CCDC171: variants seen among roughly 807,000 people sequenced by gnomAD.
CCDC171 encodes coiled-coil domain containing 171.
A neutral mutation model predicts 168.2 loss-of-function variants in CCDC171; 177 were observed. That is an observed-to-expected ratio of 1.05 (90% CI 0.93 to 1.19). The LOEUF (loss-of-function observed/expected upper bound fraction) is 1.19, where lower values mean the gene tolerates loss of function less well. Ranked by LOEUF, CCDC171 falls within the 50% of genes most tolerant of loss-of-function variation. The pLI is 0.00. For synonymous variants in CCDC171, 687 were observed against 540.8 expected (o/e 1.27, Z -3.75); for missense variants, 1,991 against 1,539.0 (o/e 1.29, Z -4.91).
chr9:15,566,763 G>A (rs1470366333), intron 2 of CCDC171, among the ~76,000 whole-genome samples: 2 of 152,148 alleles, frequency 1.3e-5, no homozygotes, highest in Admixed American at 1.3e-4. Flanking sequence ...CTAAGGTCAT[G>A]AAGATTTTTC....
chr9:15,744,618 C>A lies in CCDC171; in HGVS notation c.2395C>A (p.Arg799Ser), dbSNP rs147702342. The A allele has an allele frequency of 1.2e-6, 2 of 1,614,138 alleles. No homozygotes were observed. The highest frequency in any genetic ancestry group is 2.2e-5 in the East Asian group (1 of 44,874). The change falls in exon 17 of 26, where the codon CGT becomes AGT. Residue 799 changes from arginine (R) to serine (S), a missense_variant. Arg to Ser is a moderately radical substitution (Grantham distance 110). Transcript: ENST00000380701. ...MKKKTFKGLI[R>S]IFRKGVIAVL... ...AAAGAAAACATTCAAAGGATTGATA[C>A]GTATATTTCGGAAAGGTGTTATTGC...
At chr9:15,570,804 C>G (rs140914598) in intron 2 of CCDC171, among the ~76,000 whole-genome samples, 134 of 152,246 alleles carry the variant, frequency 8.8e-4, no homozygotes, top group African/African-American at 3.1e-3. Flanking sequence ...ACTTTTAACT[C>G]AAGCTTCTTG....
At chr9:15,977,742 T>C (rs1831667147), downstream of CCDC171, among the ~76,000 whole-genome samples, 1 of 152,154 alleles carries the variant, frequency 6.6e-6, no homozygotes, top group Non-Finnish European at 1.5e-5. Flanking sequence ...GAAGGCTTAT[T>C]TAGATCTGAA....
At chr9:15,871,204 A>G (rs962938962) in intron 23 of CCDC171, among the ~76,000 whole-genome samples, 8 of 151,798 alleles carry the variant, frequency 5.3e-5, no homozygotes, top group African/African-American at 1.7e-4. Flanking sequence ...ATAACATTTG[A>G]TAACAGATTT....
At chr9:15,775,326 A>G (rs2057261382) in intron 18 of CCDC171, among the ~76,000 whole-genome samples, 1 of 152,178 alleles carries the variant, frequency 6.6e-6, no homozygotes, top group South Asian at 2.1e-4. Flanking sequence ...CTACACAAAC[A>G]TTTCTGTGAC....
intron 23 of CCDC171, among the ~76,000 whole-genome samples, chr9:15,873,659 G>A (rs1817476682): frequency 6.6e-6 from 1 of 151,954 alleles, no homozygotes; most frequent in Admixed American, 6.6e-5. Context: ...ACGAAACTAT[G>A]GAATTCTTAA....
intron 24 of CCDC171, among the ~76,000 whole-genome samples, chr9:15,887,194 G>A (rs184242890): frequency 2.6e-3 from 398 of 152,006 alleles, no homozygotes; most frequent in African/African-American, 8.6e-3. Context: ...ATTTCACAAA[G>A]TATATATATA....
At chr9:15,598,373 A>G (rs2042550441) in intron 6 of CCDC171, among the ~76,000 whole-genome samples, 1 of 152,004 alleles carries the variant, frequency 6.6e-6, no homozygotes, top group South Asian at 2.1e-4. Flanking sequence ...GGTTTCAAAG[A>G]ACATCTTTTT....
chr9:15,616,803 A>G (rs997598705), intron 6 of CCDC171, among the ~76,000 whole-genome samples: 79 of 152,234 alleles, frequency 5.2e-4, no homozygotes, highest in Non-Finnish European at 8.8e-4. Context: ...TACTCTTATG[A>G]AAAAATGAGA....
intron 24 of CCDC171, among the ~76,000 whole-genome samples, chr9:15,892,900 A>G (rs931378127): frequency 4.2e-4 from 64 of 152,276 alleles, no homozygotes; most frequent in African/African-American, 1.5e-3. Flanking sequence ...CCATTAAACT[A>G]CCATTGACAT....
Position 15,971,620 on chromosome 9 carries a change from A to C in CCDC171, c.3765A>C (p.Arg1255=). 6.2e-7 allele frequency: 1 copy of C among 1,612,316 alleles called. No homozygotes were observed. Among genetic ancestry groups the C allele is most frequent in the Non-Finnish European group, 8.5e-7 (1 of 1,178,916 alleles). The change falls in exon 26 of 26, where the codon CGA becomes CGC. Residue 1255 remains arginine, a synonymous_variant. Transcript: ENST00000380701. ...ENASLQSIGS[R]DHSNLSIPSR... The stretch of plus-strand genomic sequence containing the variant: ...TTTGTATGTCACAGATAGGATCACG[A>C]GACCATTCAAATCTCTCCATTCCTT...
At chr9:15,676,781 G>A (rs1023212712) in intron 9 of CCDC171, among the ~76,000 whole-genome samples, 1 of 151,940 alleles carries the variant, frequency 6.6e-6, no homozygotes, top group African/African-American at 2.4e-5. Flanking sequence ...TCAGCTGGCC[G>A]TTCATTCAGT....
chr9:15,848,910 C>G lies in CCDC171; in HGVS notation c.3431C>G (p.Ala1144Gly). ...TTTTCTAGAGACAAAGAATGTGTTG[C>G]TAATCACATGAGAGCAGTAGAAAAT... is the stretch of plus-strand genomic sequence containing the variant. ...RMAAKDKECV[A>G]NHMRAVENTL... The change falls in exon 23 of 26, where the codon GCT becomes GGT. Residue 1144 changes from alanine (A) to glycine (G), a missense_variant. Ala to Gly is a moderately conservative substitution (Grantham distance 60). Coordinates refer to ENST00000380701, the MANE Select transcript of CCDC171 (RefSeq NM_173550.4). The G allele has an allele frequency of 6.4e-7, 1 of 1,567,346 alleles. No individual in the cohort carries two copies. Among genetic ancestry groups the G allele is most frequent in the Non-Finnish European group, 8.7e-7 (1 of 1,154,160 alleles).
At chr9:16,009,295 A>G (rs556374625) in intron 3 of CCDC171, among the ~76,000 whole-genome samples, 2 of 152,306 alleles carry the variant, frequency 1.3e-5, no homozygotes, top group South Asian at 4.1e-4. Flanking sequence ...TTGAAATAAC[A>G]GATACTCACC....
At chr9:15,908,910 C>G (rs983794896) in intron 24 of CCDC171, among the ~76,000 whole-genome samples, 1 of 152,158 alleles carries the variant, frequency 6.6e-6, no homozygotes, top group African/African-American at 2.4e-5. Flanking sequence ...GTCCCGCTTC[C>G]AGCACTGGGG....
chr9:15,676,086 T>A (rs1330436370), intron 9 of CCDC171, among the ~76,000 whole-genome samples: 1 of 152,164 alleles, frequency 6.6e-6, no homozygotes, highest in African/African-American at 2.4e-5. Flanking sequence ...TACTCTTTTT[T>A]TCTCTAATCA....
At chr9:15,916,774 C>T (rs773079652) in intron 24 of CCDC171, among the ~76,000 whole-genome samples, 3 of 152,042 alleles carry the variant, frequency 2.0e-5, no homozygotes, top group Admixed American at 6.6e-5. Context: ...TGTTTGAATT[C>T]CCTCGTCTTA....
chr9:15,992,008 G>A (rs928201193), intron 3 of CCDC171, among the ~76,000 whole-genome samples: 1 of 152,176 alleles, frequency 6.6e-6, no homozygotes, highest in African/African-American at 2.4e-5. Flanking sequence ...GTACAAGGAG[G>A]AGCTGGCTCC....
chr9:15,869,877 G>T (rs115921827), intron 23 of CCDC171, among the ~76,000 whole-genome samples: 1 of 151,772 alleles, frequency 6.6e-6, no homozygotes, highest in African/African-American at 2.4e-5. Flanking sequence ...ATTGTTTGTA[G>T]ATTCTCTGGT....
Sources: gnomAD v4.1 joint callset for allele counts (sites outside exome capture counted in the v4.1 genomes callset) on GRCh38, gnomAD v4.1.1 for gene constraint, MANE v1.5 for transcripts, NCBI Gene and HGNC (gene_info 2026-07-23, HGNC 2026-07-21) for gene names.